ZC3H7A: variants seen among roughly 807,000 people sequenced by gnomAD.
ZC3H7A encodes zinc finger CCCH domain-containing protein 7A.
A neutral mutation model predicts 125.5 loss-of-function variants in ZC3H7A; 44 were observed. The ratio of observed to expected loss-of-function variants is 0.35; its 90% CI spans 0.28 to 0.45. ZC3H7A has a LOEUF of 0.45. ZC3H7A is among the 20% of genes least tolerant of loss of function. The pLI is 1.00. For synonymous variants in ZC3H7A, 399 were observed against 391.2 expected, an observed-to-expected ratio of 1.02 and a Z score of -0.23; for missense variants, 977 against 1,170.7, an observed-to-expected ratio of 0.83 and a Z score of 2.41.
intron 11 of ZC3H7A, among the ~76,000 whole-genome samples, chr16:11,768,756 G>A (rs999175163): frequency 8.6e-5 from 13 of 151,890 alleles, no homozygotes; most frequent in Admixed American, 2.0e-4. Flanking sequence ...AAGTACACAC[G>A]CTTTACATGC....
chr16:11,787,658 G>C (rs1186889235), intron 1 of ZC3H7A, among the ~76,000 whole-genome samples: 1 of 151,980 alleles, frequency 6.6e-6, no homozygotes, highest in Non-Finnish European at 1.5e-5. Context: ...TAAAAGCACA[G>C]GGACTGGCCA....
intron 1 of ZC3H7A, among the ~76,000 whole-genome samples, chr16:11,795,696 C>G (rs2053425857): frequency 6.6e-6 from 1 of 152,162 alleles, no homozygotes; most frequent in Non-Finnish European, 1.5e-5. Context: ...CTCGGCCTCC[C>G]AAAGTGCTGG....
At chr16:11,760,924 A>C (rs1207377096) in intron 19 of ZC3H7A, among the ~76,000 whole-genome samples, 1 of 152,204 alleles carries the variant, frequency 6.6e-6, no homozygotes, top group Non-Finnish European at 1.5e-5. Context: ...CTAACATTGA[A>C]CATTTTTCTT....
intron 20 of ZC3H7A, among the ~76,000 whole-genome samples, chr16:11,757,159 T>C (rs1011746413): frequency 6.6e-6 from 1 of 151,936 alleles, no homozygotes; most frequent in Non-Finnish European, 1.5e-5. Flanking sequence ...TCTCCAGACA[T>C]TGCCAAATGT....
intron 21 of ZC3H7A, among the ~76,000 whole-genome samples, chr16:11,754,287 G>A (rs1465362386): frequency 5.9e-5 from 5 of 84,516 alleles, no homozygotes; most frequent in Non-Finnish European, 9.9e-5. Flanking sequence ...GTGAGACCCT[G>A]TCTCAAAAAA....
intron 15 of ZC3H7A, among the ~76,000 whole-genome samples, chr16:11,763,949 G>A (rs189250909): frequency 1.5e-4 from 22 of 150,956 alleles, no homozygotes; most frequent in African/African-American, 2.4e-4. Flanking sequence ...GACTACAGGC[G>A]CCCACCACCA....
chr16:11,778,452 A>C (rs530990125), intron 4 of ZC3H7A, among the ~76,000 whole-genome samples: 10,423 of 150,796 alleles, frequency 0.069, 488 homozygotes, highest in Middle Eastern at 0.11. Flanking sequence ...AAAAAAAAAA[A>C]AAAAAAACAC....
intron 10 of ZC3H7A, among the ~76,000 whole-genome samples, chr16:11,769,565 G>T (rs978709506): frequency 1.9e-4 from 28 of 151,122 alleles, no homozygotes; most frequent in Non-Finnish European, 2.9e-5. Flanking sequence ...AAAAAAATTT[G>T]CCAGGTGTGA....
chr16:11,752,898 G>T (rs557505718), intron 21 of ZC3H7A, 66 bp from the exon 22 acceptor site: 2 of 1,558,510 alleles, frequency 1.3e-6, no homozygotes, highest in Admixed American at 1.9e-5. Context: ...CAATTCCAGG[G>T]AGCCCAGGCT....
chr16:11,793,196 A>G (rs1238903646), intron 1 of ZC3H7A, among the ~76,000 whole-genome samples: 1 of 152,224 alleles, frequency 6.6e-6, no homozygotes, highest in African/African-American at 2.4e-5. Flanking sequence ...CACCTAGCAC[A>G]GCATTTGTAC....
intron 17 of ZC3H7A, 81 bp downstream of exon 17, chr16:11,762,590 A>C: frequency 7.7e-7 from 1 of 1,302,210 alleles, no homozygotes; most frequent in Admixed American, 1.7e-5. Flanking sequence ...GTAAGTGTTA[A>C]CTGCATCCAC....
rs879713789 is a variant in ZC3H7A at position 11,772,182 on chromosome 16, G to A, written c.904-1195C>T. On this transcript the variant is annotated intron_variant, in intron 9 of 22. Transcript: ENST00000355758. Reference sequence around the variant, plus strand: ...TGCACACCAGCCTGGGCGACAGAGTGAGACTCTGTCTCAAAAAAAAAAAAA... The same window carrying A: ...TGCACACCAGCCTGGGCGACAGAGTAAGACTCTGTCTCAAAAAAAAAAAAA... Among the ~76,000 whole-genome samples the A allele has an allele frequency of 4.1e-3, 602 of 145,626 alleles. 5 individuals carry two copies. The highest frequency in any genetic ancestry group is 0.016 in the African/African-American group (575 of 36,648).
At chr16:11,788,614 TTC>T (rs2053298396) in intron 1 of ZC3H7A, among the ~76,000 whole-genome samples, 1 of 151,438 alleles carries the variant, frequency 6.6e-6, no homozygotes, top group Non-Finnish European at 1.5e-5. Context: ...TTTTTTTTCT[TTC>T]TTTTTTTTTT....
intron 1 of ZC3H7A, among the ~76,000 whole-genome samples, chr16:11,791,710 CA>C (rs776046294): frequency 3.4e-4 from 51 of 152,162 alleles, no homozygotes; most frequent in Non-Finnish European, 5.3e-4. Flanking sequence ...TGCATGCAAA[CA>C]GAGCTGGTTA....
At chr16:11,793,989 C>T (rs2053393605) in intron 1 of ZC3H7A, among the ~76,000 whole-genome samples, 1 of 152,220 alleles carries the variant, frequency 6.6e-6, no homozygotes, top group African/African-American at 2.4e-5. Flanking sequence ...TGAAGAGCCT[C>T]CCTCTGCGAA....
At chr16:11,760,520 G>A (rs2052736188) in intron 19 of ZC3H7A, among the ~76,000 whole-genome samples, 1 of 152,192 alleles carries the variant, frequency 6.6e-6, no homozygotes, top group African/African-American at 2.4e-5. Context: ...ACTGTAGGTG[G>A]TGAAAAATAC....
At position 11,761,936 on chromosome 16, in the gene ZC3H7A, T is replaced by C; in HGVS notation, c.2187A>G (p.Lys729=). The C allele has an allele frequency of 6.2e-7, 1 of 1,613,180 alleles. No homozygotes were observed. Among genetic ancestry groups the C allele is most frequent in the East Asian group, 2.2e-5 (1 of 44,850 alleles). ...AATGCCTTGCTTTTGCACTACAATA[T>C]TTTCTGTTTTTGTCTGGTTCAATGA... ...GQVIEPDKNR[K]YCSAKARHSW... is the part of the protein sequence containing the mutation. Residue 729 remains lysine (K), a synonymous_variant, in exon 18 of 23, where the codon AAA becomes AAG. Transcript: ENST00000355758.
rs560556581 is a variant in ZC3H7A, at chr16:11,789,163, T to G, written c.-34-6775A>C. Among the ~76,000 whole-genome samples the G allele has an allele frequency of 1.7e-3, 255 of 152,248 alleles. 1 individual carries two copies. The highest frequency in any genetic ancestry group is 5.5e-3 in the African/African-American group (229 of 41,542). ...ATGTCACCATTGAAGGAAGAGGGGG[T>G]GAAGGGTTCATGGGACTCCATGTAC... On this transcript the variant is annotated intron_variant, in intron 1 of 22. Transcript: ENST00000355758.
At chr16:11,762,423 T>G (rs1294605351) in intron 17 of ZC3H7A, among the ~76,000 whole-genome samples, 1 of 152,188 alleles carries the variant, frequency 6.6e-6, no homozygotes, top group African/African-American at 2.4e-5. Context: ...AGAACTCCAG[T>G]TGTTTTGTCA....
Sources: allele counts gnomAD v4.1 joint callset (sites outside exome capture counted in the v4.1 genomes callset), GRCh38; gene constraint gnomAD v4.1.1; transcripts MANE v1.5; gene names NCBI Gene and HGNC (gene_info 2026-07-23, HGNC 2026-07-21).